ADAM19: variants seen among roughly 807,000 people sequenced by gnomAD.
ADAM19 encodes ADAM metallopeptidase domain 19, also known as disintegrin and metalloproteinase domain-containing protein 19.
A neutral mutation model predicts 114.7 loss-of-function variants in ADAM19; 65 were observed. That is an observed-to-expected ratio of 0.57 (90% confidence interval 0.46 to 0.70). The LOEUF (loss-of-function observed/expected upper bound fraction) is 0.70. Among genes scored for constraint, ADAM19 ranks in the 30% least tolerant of loss-of-function variants. ADAM19 has a pLI of 0.00. For synonymous variants in ADAM19, 466 were observed against 460.5 expected (o/e 1.01, Z -0.15); for missense variants, 1,063 against 1,204.7 (o/e 0.88, Z 1.74).
At chr5:157,500,248 T>G (rs1755518764) in intron 12 of ADAM19, among the ~76,000 whole-genome samples, 1 of 151,152 alleles carries the variant, frequency 6.6e-6, no homozygotes, top group Non-Finnish European at 1.5e-5. Context: ...GCAATTCTCA[T>G]GCCACAGCCT....
Position 157,505,792 on chromosome 5 carries a change from G to A in ADAM19, c.1007C>T (p.Ala336Val), listed in dbSNP as rs376037302. 135 of 1,613,922 alleles carry A rather than the reference G, an allele frequency of 8.4e-5. No homozygotes were observed. The highest frequency in any genetic ancestry group is 1.1e-4 in the Non-Finnish European group (128 of 1,179,958). The change falls in exon 11 of 23, where the codon GCC (alanine) becomes GTC (valine). Residue 336 changes from alanine to valine, a missense_variant. Ala to Val is a moderately conservative substitution (Grantham distance 64). This residue lies in a region of ADAM19 where 615 missense variants were observed against 706.3 expected (regional missense o/e 0.87). Transcript: ENST00000257527. Reference protein sequence around the residue: ...GGVNMDHSENAIGVAATMAHE... With the variant: ...GGVNMDHSENVIGVAATMAHE... The stretch of plus-strand genomic sequence containing the variant: ...GGCCATGGTGGCAGCCACGCCAATG[G>A]CATTCTCGGAGTGGTCCTGCTCAGA...
At chr5:157,495,933 CTTTTTTTTT>C (rs57078206) in intron 14 of ADAM19, among the ~76,000 whole-genome samples, 3 of 75,878 alleles carry the variant, frequency 4.0e-5, no homozygotes, top group Non-Finnish European at 4.8e-5. Context: ...TGTGCCCAGT[CTTTTTTTTT>C]TTTTTTTTTT....
chr5:157,490,476 T>C (rs780148729), intron 18 of ADAM19, 22 bp from the exon 19 acceptor site: 1 of 1,610,766 alleles, frequency 6.2e-7, no homozygotes, highest in Non-Finnish European at 8.5e-7. Flanking sequence ...AGAACCCAAG[T>C]GGGAGATTTA....
intron 3 of ADAM19, among the ~76,000 whole-genome samples, chr5:157,562,052 G>A (rs1757523494): frequency 6.6e-6 from 1 of 152,132 alleles, no homozygotes. Flanking sequence ...ACAGTGATTT[G>A]AAAAATTAGA....
intron 5 of ADAM19, among the ~76,000 whole-genome samples, chr5:157,525,564 A>G (rs1194305349): frequency 6.6e-6 from 1 of 151,836 alleles, no homozygotes; most frequent in Non-Finnish European, 1.5e-5. Context: ...TATGCCCCTG[A>G]CCTCACCCCC....
At chr5:157,556,215 T>TC (rs1561555597) in intron 3 of ADAM19, among the ~76,000 whole-genome samples, 2 of 98,346 alleles carry the variant, frequency 2.0e-5, no homozygotes. Flanking sequence ...TTTTCTTTTT[T>TC]TTTTTTTTTT....
At chr5:157,481,526 G>A in intron 22 of ADAM19, 1 of 1,281,062 alleles carries the variant, frequency 7.8e-7, no homozygotes. Flanking sequence ...AGAGGGACTT[G>A]CTCAGGGTCC....
chr5:157,527,318 C>G (rs34197759), intron 5 of ADAM19, among the ~76,000 whole-genome samples: 12,727 of 152,238 alleles, frequency 0.084, 644 homozygotes, highest in Middle Eastern at 0.17. Flanking sequence ...TCACGCCATT[C>G]TCCTGCCTCA....
In ADAM19 at chr5:157,494,913, C is replaced by T. The variant is rs140497093; in HGVS notation, c.1595-118G>A. ...TTTTCTGGGAGGGAATACTCAGCCT[C>T]TTCTTCCTGTTCCCTCCAGGTTACT... On this transcript the variant is annotated intron_variant, in intron 14 of 22. Transcript: ENST00000257527. 9 of 708,044 alleles carry T rather than the reference C, an allele frequency of 1.3e-5. No individual in the cohort carries two copies. The African/African-American group carries it at 1.4e-4, about 11-fold the overall frequency. The allele number at this position is 708,044 out of a possible 1,614,324, so 43.9% of individuals were successfully genotyped here. A position where few individuals can be genotyped will look rare whatever the true frequency, so the allele number is the denominator to read the frequency against.
chr5:157,533,607 T>G (rs1756683511), intron 4 of ADAM19, among the ~76,000 whole-genome samples: 1 of 152,112 alleles, frequency 6.6e-6, no homozygotes, highest in African/African-American at 2.4e-5. Context: ...TCAGAGAAGT[T>G]GGAATGACAG....
chr5:157,545,137 A>G (rs1757014235), intron 3 of ADAM19, among the ~76,000 whole-genome samples: 1 of 152,184 alleles, frequency 6.6e-6, no homozygotes, highest in Non-Finnish European at 1.5e-5. Context: ...ACTTTCATAA[A>G]CTTGCCCAAT....
chr5:157,518,353 A>C (rs1245097511), intron 7 of ADAM19, among the ~76,000 whole-genome samples: 1 of 151,992 alleles, frequency 6.6e-6, no homozygotes, highest in Non-Finnish European at 1.5e-5. Context: ...GTTCCCCCCA[A>C]CTATGTTTAA....
rs200826711 is a variant in ADAM19, at chr5:157,514,326, C to CTTT, written c.667-824_667-822dup. 7.8e-5 allele frequency among the ~76,000 whole-genome samples: 11 copies of CTTT among 141,698 alleles called. 1 individual carries two copies. Among genetic ancestry groups the CTTT allele is most frequent in the African/African-American group, 1.6e-4 (6 of 37,292 alleles). The allele number at this position is 141,698 out of a possible 152,430, so 93.0% of individuals were successfully genotyped here. ...AGACTGCATCGATTCAATCACATTT[C>CTTT]TTTCTTTTTTTTTTTTTTTTGAGAC... is the stretch of plus-strand genomic sequence containing the variant. On this transcript the variant is annotated intron_variant, in intron 7 of 22. Coordinates refer to ENST00000257527, the MANE Select transcript of ADAM19 (RefSeq NM_033274.5).
At chr5:157,494,856 G>T (rs1432057936) in intron 14 of ADAM19, 61 bp from the exon 15 acceptor site, 9 of 1,348,046 alleles carry the variant, frequency 6.7e-6, no homozygotes, top group African/African-American at 2.9e-5. Flanking sequence ...AAGGGCAAAG[G>T]TATCTTTGGT....
In ADAM19 at chr5:157,480,477, TA is replaced by T; in HGVS notation, c.*471del. The T allele has an allele frequency of 1.0e-6, 1 of 991,414 alleles. No individual in the cohort carries two copies. The highest frequency in any genetic ancestry group is 1.2e-6 in the Non-Finnish European group (1 of 833,918). The allele number at this position is 991,414 out of a possible 1,614,324, so 61.4% of individuals were successfully genotyped here. ...TGACCCTTCCTTAATCCCTAAAAGC[TA>T]AAAGGGGTGGGTAAGTACCAGCCTC... On this transcript the variant is annotated 3_prime_UTR_variant, in exon 23 of 23. Transcript: ENST00000257527.
chr5:157,492,892 C>T (rs1451562610), intron 16 of ADAM19, 81 bp downstream of exon 16: 3 of 1,495,428 alleles, frequency 2.0e-6, no homozygotes, highest in Non-Finnish European at 2.8e-6. Flanking sequence ...CATCTGAGCC[C>T]AGGCATCCTT....
intron 10 of ADAM19, 83 bp from the exon 11 acceptor site, chr5:157,505,891 T>C: frequency 6.8e-7 from 1 of 1,470,462 alleles, no homozygotes. Context: ...CTTAGCCAAG[T>C]CTTGCAGGTC....
intron 3 of ADAM19, among the ~76,000 whole-genome samples, chr5:157,563,653 C>T (rs1004469633): frequency 1.3e-5 from 2 of 152,146 alleles, no homozygotes; most frequent in South Asian, 4.1e-4. Flanking sequence ...TTCAGAGTCC[C>T]CCGGCCAAGT....
At chr5:157,569,704 T>C (rs1420759274) in intron 2 of ADAM19, among the ~76,000 whole-genome samples, 1 of 152,180 alleles carries the variant, frequency 6.6e-6, no homozygotes, top group Non-Finnish European at 1.5e-5. Context: ...AGCCACAATG[T>C]CTGAAGTCTT....
Sources: allele counts gnomAD v4.1 joint callset (sites outside exome capture counted in the v4.1 genomes callset), GRCh38; gene constraint gnomAD v4.1.1; regional missense constraint gnomAD v4.1.1; transcripts MANE v1.5; gene names NCBI Gene and HGNC (gene_info 2026-07-23, HGNC 2026-07-21).